The following PARP1 variants were observed in gnomAD, a reference collection of about 807,000 sequenced individuals.
PARP1 encodes poly [ADP-ribose] polymerase 1.
PARP1 carries 44 observed loss-of-function variants against 118.7 expected under a neutral mutation model. The ratio of observed to expected loss-of-function variants is 0.37; its 90% CI spans 0.29 to 0.48. PARP1 has a LOEUF of 0.48. PARP1 is among the 20% of genes least tolerant of loss of function. PARP1 has a pLI of 0.99. For synonymous variants in PARP1, 492 were observed against 483.2 expected, an observed-to-expected ratio of 1.02 and a Z score of -0.24; for missense variants, 1,100 against 1,272.4, an observed-to-expected ratio of 0.86 and a Z score of 2.06.
chr1:226,375,404 C>T (rs1331434025), intron 13 of PARP1, among the ~76,000 whole-genome samples: 3 of 152,120 alleles, frequency 2.0e-5, no homozygotes, highest in Non-Finnish European at 4.4e-5. Context: ...CAGTAAATGC[C>T]CAGAATCAAT....
At chr1:226,363,336 T>A (rs1218872249) in intron 20 of PARP1, among the ~76,000 whole-genome samples, 176 bp from the exon 21 acceptor site, 1 of 152,216 alleles carries the variant, frequency 6.6e-6, no homozygotes, top group East Asian at 1.9e-4. Context: ...AACCTGAAAC[T>A]GCAGTTGCGG....
At chr1:226,370,569 C>T (rs777705855) in intron 14 of PARP1, 52 bp from the exon 15 acceptor site, 187 of 1,438,852 alleles carry the variant, frequency 1.3e-4, no homozygotes, top group Non-Finnish European at 1.5e-4. Flanking sequence ...GCAGTGTGAT[C>T]GCAGGAGAGC....
intron 2 of PARP1, chr1:226,392,563 GCTGT>G (rs1664840445): frequency 1.8e-6 from 1 of 559,454 alleles, no homozygotes; most frequent in South Asian, 2.0e-5. Flanking sequence ...GGGGTGGTCA[GCTGT>G]CTGACATTCC....
intron 11 of PARP1, 132 bp downstream of exon 11, chr1:226,379,441 G>A (rs369200419): frequency 1.7e-6 from 2 of 1,143,454 alleles, no homozygotes; most frequent in Admixed American, 1.8e-5. Flanking sequence ...AGCTGGTGAA[G>A]GAGGCCTGAG....
intron 2 of PARP1, among the ~76,000 whole-genome samples, chr1:226,396,838 T>C (rs1301158698): frequency 6.6e-6 from 1 of 151,950 alleles, no homozygotes; most frequent in Non-Finnish European, 1.5e-5. Flanking sequence ...GAGGCAGAGG[T>C]TGCAGTGAGC....
rs3219114 is a variant in PARP1 at position 226,369,270 on chromosome 1, C to T, written c.2155-949G>A. On this transcript the variant is annotated intron_variant, in intron 15 of 22. Transcript: ENST00000366794. Reference sequence around the variant, plus strand: ...TTTCTCCAGCACCAGCCAGAAAGCCCGCTGCCTGGGCCCACTTCTGCTTCC... The same window carrying T: ...TTTCTCCAGCACCAGCCAGAAAGCCTGCTGCCTGGGCCCACTTCTGCTTCC... 3.3e-4 allele frequency among the ~76,000 whole-genome samples: 50 copies of T among 152,332 alleles called. 1 individual carries two copies. The East Asian group carries it at 5.0e-3, about 15-fold the overall frequency.
At chr1:226,379,414 G>C in intron 11 of PARP1, 140 bp from the exon 12 acceptor site, 2 of 1,249,096 alleles carry the variant, frequency 1.6e-6, no homozygotes, top group Non-Finnish European at 2.4e-6. Flanking sequence ...ACAAATGTGT[G>C]TTCTCAGGAC....
In PARP1 at chr1:226,372,542, G is replaced by A. The variant is rs544374540; in HGVS notation, c.2070+1684C>T. ...AAAAAACAATTAGCCAGGCACAGTC[G>A]TGCACGCCTGTAGTCCCAGCTACTC... On this transcript the variant is annotated intron_variant, in intron 14 of 22. Coordinates refer to ENST00000366794, the MANE Select transcript of PARP1 (RefSeq NM_001618.4). Among the ~76,000 whole-genome samples, 18 of 152,230 alleles carry A rather than the reference G, an allele frequency of 1.2e-4. No homozygotes were observed. The East Asian group carries it at 1.7e-3, about 15-fold the overall frequency.
Position 226,361,999 on chromosome 1 carries a change from C to T in PARP1, c.2933G>A (p.Gly978Asp). ...ATATAGTAGAGAGGTGTCATTCACA[C>T]CAGATGAAATCCCGGTCCCAAGAGG... ...DVPLGTGISSGVNDTSLLYNE... is the reference protein window; with the variant it reads ...DVPLGTGISSDVNDTSLLYNE... The change falls in exon 22 of 23, where the codon GGT becomes GAT. Residue 978 changes from glycine (G) to aspartate (D), a missense_variant. Transcript: ENST00000366794. The T allele has an allele frequency of 1.2e-6, 2 of 1,607,650 alleles. No individual in the cohort carries two copies. Among genetic ancestry groups the T allele is most frequent in the Non-Finnish European group, 1.7e-6 (2 of 1,174,060 alleles).
chr1:226,391,000 CTT>C (rs33944799), intron 3 of PARP1, among the ~76,000 whole-genome samples: 55,379 of 130,260 alleles, frequency 0.43, 11,942 homozygotes, highest in East Asian at 0.78. Context: ...CAATGCAGCA[CTT>C]TTTTTTTTTT....
Position 226,360,950 on chromosome 1 carries a change from C to CA in PARP1, c.*509dup, listed in dbSNP as rs374654237. ...CACACCCCTCACCACAAGAGGCAAA[C>CA]AAAAAAAACTAAAAAGGGGACAATA... On this transcript the variant is annotated 3_prime_UTR_variant, in exon 23 of 23. Coordinates refer to ENST00000366794, the MANE Select transcript of PARP1 (RefSeq NM_001618.4). 1.2e-3 allele frequency: 265 copies of CA among 226,728 alleles called. No individual in the cohort carries two copies. Among genetic ancestry groups the CA allele is most frequent in the African/African-American group, 5.1e-3 (225 of 44,172 alleles). The allele number at this position is 226,728 out of a possible 1,614,324, so 14.0% of individuals were successfully genotyped here.
Position 226,361,173 on chromosome 1 carries a change from T to C in PARP1, c.*287A>G. Reference sequence around the variant, plus strand: ...AGCTTGGTTTTTTCCATAGGACTAGTCTATGCAACAGAATCTCTCTCCAGC... The same window carrying C: ...AGCTTGGTTTTTTCCATAGGACTAGCCTATGCAACAGAATCTCTCTCCAGC... On this transcript the variant is annotated 3_prime_UTR_variant, in exon 23 of 23. Transcript: ENST00000366794. 1 of 519,644 alleles carries C rather than the reference T, an allele frequency of 1.9e-6. No individual in the cohort carries two copies. Among genetic ancestry groups the C allele is most frequent in the Non-Finnish European group, 3.5e-6 (1 of 285,974 alleles). The allele number at this position is 519,644 out of a possible 1,614,324, so 32.2% of individuals were successfully genotyped here.
intron 11 of PARP1, 42 bp downstream of exon 11, chr1:226,379,531 G>A (rs1483392987): frequency 3.9e-6 from 6 of 1,519,946 alleles, no homozygotes; most frequent in Admixed American, 1.7e-5. Flanking sequence ...TGGGGGTTGG[G>A]GGGCGGCACA....
chr1:226,377,483 A>C (rs1664515517), intron 12 of PARP1, among the ~76,000 whole-genome samples, 180 bp from the exon 13 acceptor site: 1 of 152,194 alleles, frequency 6.6e-6, no homozygotes, highest in African/African-American at 2.4e-5. Flanking sequence ...TTTACTTTTC[A>C]TTAAACTTTC....
intron 5 of PARP1, among the ~76,000 whole-genome samples, chr1:226,388,215 T>C (rs1387309817): frequency 6.6e-6 from 1 of 152,254 alleles, no homozygotes; most frequent in Non-Finnish European, 1.5e-5. Context: ...AAGATCTTCA[T>C]TTAAAAAATG....
In PARP1 at chr1:226,408,075, C is replaced by T. The variant is rs1665189314; in HGVS notation, c.-146G>A. On this transcript the variant is annotated 5_prime_UTR_variant, in exon 1 of 23. Coordinates refer to ENST00000366794, the MANE Select transcript of PARP1 (RefSeq NM_001618.4). The stretch of plus-strand genomic sequence containing the variant: ...CCGAACACGCCGCACCGGCCACCGC[C>T]GTTCCCTGATAGATTGCTGATGCCT... 2 of 1,201,566 alleles carry T rather than the reference C, an allele frequency of 1.7e-6. No homozygotes were observed. The highest frequency in any genetic ancestry group is 2.4e-6 in the Non-Finnish European group (2 of 842,990). 74.4% of individuals were successfully genotyped at this position (1,201,566 alleles called of 1,614,324 possible).
intron 7 of PARP1, among the ~76,000 whole-genome samples, chr1:226,384,694 C>G (rs763416976): frequency 2.5e-4 from 38 of 152,122 alleles, no homozygotes; most frequent in Non-Finnish European, 5.4e-4. Flanking sequence ...CTCAAACGCA[C>G]AGAGAGAAAA....
chr1:226,398,119 A>AC (rs1664961862), intron 2 of PARP1, among the ~76,000 whole-genome samples: 1 of 44,532 alleles, frequency 2.2e-5, no homozygotes, highest in Non-Finnish European at 3.7e-5. Context: ...ATGACTTTTT[A>AC]CAAACACCAA....
chr1:226,391,517 A>G (rs1576400297), intron 3 of PARP1, among the ~76,000 whole-genome samples: 1 of 152,298 alleles, frequency 6.6e-6, no homozygotes, highest in Non-Finnish European at 1.5e-5. Flanking sequence ...ATTCCCCTTG[A>G]GGTAAAGAGG....
Sources: allele counts gnomAD v4.1 joint callset (sites outside exome capture counted in the v4.1 genomes callset), GRCh38; gene constraint gnomAD v4.1.1; transcripts MANE v1.5; gene names NCBI Gene and HGNC (gene_info 2026-07-23, HGNC 2026-07-21).